DLG2: variants seen among roughly 807,000 people sequenced by gnomAD.
The protein encoded by DLG2 is disks large homolog 2.
DLG2 carries 45 observed loss-of-function variants against 132.5 expected under a neutral mutation model. That is an observed-to-expected ratio of 0.34 (90% CI 0.27 to 0.44). DLG2 has a LOEUF of 0.44. DLG2 is among the 20% of genes least tolerant of loss of function. The pLI is 1.00. For missense variants in DLG2, 1,045 were observed against 1,196.9 expected (o/e 0.87, Z 1.87); for synonymous variants, 424 against 419.6 (o/e 1.01, Z -0.13).
At chr11:83,953,406 C>T (rs1310992474) in intron 14 of DLG2, among the ~76,000 whole-genome samples, 2 of 152,150 alleles carry the variant, frequency 1.3e-5, no homozygotes, top group Non-Finnish European at 2.9e-5. Flanking sequence ...GTGAACTGCA[C>T]ATGCGAAGGA....
chr11:84,908,095 G>C (rs1303294271), intron 6 of DLG2, among the ~76,000 whole-genome samples: 1 of 151,872 alleles, frequency 6.6e-6, no homozygotes, highest in Non-Finnish European at 1.5e-5. Context: ...GAAAGAACGA[G>C]TTACCCTTTA....
At chr11:84,739,906 G>A (rs186534392) in intron 6 of DLG2, among the ~76,000 whole-genome samples, 1 of 151,846 alleles carries the variant, frequency 6.6e-6, no homozygotes, top group East Asian at 1.9e-4. Context: ...CAGTCTCCTG[G>A]GGTCATTTTA....
chr11:83,494,469 G>GAAAC (rs1223638049), intron 21 of DLG2, among the ~76,000 whole-genome samples: 1 of 151,302 alleles, frequency 6.6e-6, no homozygotes, highest in African/African-American at 2.4e-5. Flanking sequence ...GGCTATTTCA[G>GAAAC]AAACAGTGAC....
chr11:85,170,937 A>T (rs1275681036), intron 4 of DLG2, among the ~76,000 whole-genome samples: 1 of 118,322 alleles, frequency 8.5e-6, no homozygotes, highest in African/African-American at 3.8e-5. Context: ...CATAACAAAT[A>T]AAAAAAAAAA....
At chr11:85,626,026 T>C (rs1016332125) in intron 2 of DLG2, among the ~76,000 whole-genome samples, 2 of 152,272 alleles carry the variant, frequency 1.3e-5, no homozygotes, top group African/African-American at 4.8e-5. Flanking sequence ...AATCATGTTA[T>C]TGGATAATGC....
At chr11:85,455,141 CT>C (rs1430088030) in intron 3 of DLG2, among the ~76,000 whole-genome samples, 1 of 152,106 alleles carries the variant, frequency 6.6e-6, no homozygotes, top group East Asian at 1.9e-4. Flanking sequence ...AATATTGATT[CT>C]CCCTATCCAT....
rs181109412 is a variant in DLG2 at position 84,869,164 on chromosome 11, T to C, written c.357+242497A>G. ...TCTAATCTGTCCACAATGCACATCATACGGAATTGAACATACAAGTCACTG... is the reference window on the plus strand; with the variant it reads ...TCTAATCTGTCCACAATGCACATCACACGGAATTGAACATACAAGTCACTG... On this transcript the variant is annotated intron_variant, in intron 6 of 27. Coordinates refer to ENST00000376104, the MANE Select transcript of DLG2 (RefSeq NM_001142699.3). 2.0e-5 allele frequency among the ~76,000 whole-genome samples: 3 copies of C among 152,340 alleles called. No individual in the cohort carries two copies. In the East Asian group the frequency reaches 5.8e-4, roughly 29 times the overall value.
chr11:83,927,146 G>A (rs1375525401), intron 15 of DLG2, among the ~76,000 whole-genome samples: 1 of 152,118 alleles, frequency 6.6e-6, no homozygotes, highest in East Asian at 1.9e-4. Context: ...GTAACAGTTT[G>A]CTTGTTTGCA....
At chr11:85,021,545 A>G in intron 6 of DLG2, 1 of 1,588,804 alleles carries the variant, frequency 6.3e-7, no homozygotes, top group Non-Finnish European at 8.6e-7. Flanking sequence ...TACTTCGAAA[A>G]GATTGCCTCC....
In DLG2 at chr11:85,111,887, G is replaced by T. The variant is rs374472367; in HGVS notation, c.283-152C>A. Among the ~76,000 whole-genome samples, 3 of 151,940 alleles carry T rather than the reference G, an allele frequency of 2.0e-5. No individual in the cohort carries two copies. In the East Asian group the frequency reaches 5.8e-4, roughly 29 times the overall value. ...TTGGTGCAATGCTGCAGAAAACTAGGTACATAATTTCTACTCTTATCAAAG... is the reference window on the plus strand; with the variant it reads ...TTGGTGCAATGCTGCAGAAAACTAGTTACATAATTTCTACTCTTATCAAAG... On this transcript the variant is annotated intron_variant, in intron 5 of 27. Transcript: ENST00000376104.
chr11:84,123,393 A>C (rs2094015616), intron 9 of DLG2, among the ~76,000 whole-genome samples: 1 of 152,220 alleles, frequency 6.6e-6, no homozygotes, highest in Non-Finnish European at 1.5e-5. Context: ...GTCAAAGCCA[A>C]GTCTATGCTG....
intron 4 of DLG2, among the ~76,000 whole-genome samples, chr11:85,224,735 C>A (rs2074871486): frequency 6.6e-6 from 1 of 151,830 alleles, no homozygotes; most frequent in Admixed American, 6.6e-5. Flanking sequence ...GGAAAATAAA[C>A]AATTACAAAT....
intron 6 of DLG2, among the ~76,000 whole-genome samples, chr11:84,584,624 C>A (rs1389854756): frequency 6.6e-6 from 1 of 151,164 alleles, no homozygotes; most frequent in East Asian, 1.9e-4. Context: ...CCTCAGCCTC[C>A]CAAAGTGCTG....
At chr11:85,512,167 A>G (rs573743008) in intron 3 of DLG2, among the ~76,000 whole-genome samples, 1 of 152,190 alleles carries the variant, frequency 6.6e-6, no homozygotes, top group Non-Finnish European at 1.5e-5. Context: ...AGGGCATCAA[A>G]TGAAAGATTT....
chr11:84,212,534 G>T (rs374209301), intron 8 of DLG2, among the ~76,000 whole-genome samples: 3 of 152,190 alleles, frequency 2.0e-5, no homozygotes, highest in South Asian at 4.1e-4. Flanking sequence ...GTAGATCAAA[G>T]AATTTGTCCA....
chr11:85,170,406 G>C (rs149437319), intron 4 of DLG2, among the ~76,000 whole-genome samples: 1 of 152,170 alleles, frequency 6.6e-6, no homozygotes, highest in Non-Finnish European at 1.5e-5. Flanking sequence ...TTGCTTTGGG[G>C]AAGAGGAATT....
At chr11:83,897,548 C>T (rs1443699499) in intron 15 of DLG2, among the ~76,000 whole-genome samples, 4 of 152,138 alleles carry the variant, frequency 2.6e-5, no homozygotes, top group Non-Finnish European at 4.4e-5. Context: ...CTCTAAATAA[C>T]CCTCTAAAAT....
Position 84,165,801 on chromosome 11 carries a change from G to A in DLG2, c.574-2290C>T, listed in dbSNP as rs1793034. 9.9e-3 allele frequency among the ~76,000 whole-genome samples: 1,506 copies of A among 152,226 alleles called. 8 individuals carry two copies. The highest frequency in any genetic ancestry group is 0.015 in the Non-Finnish European group (1,025 of 68,024). ...TAGTCCCAGCTACTTCAGAGGCTGAGGCAGAAGAATTGCTTGAACAGGGGA... is the reference window on the plus strand; with the variant it reads ...TAGTCCCAGCTACTTCAGAGGCTGAAGCAGAAGAATTGCTTGAACAGGGGA... On this transcript the variant is annotated intron_variant, in intron 8 of 27. Transcript: ENST00000376104.
At chr11:84,436,111 A>T (rs1240445788) in intron 7 of DLG2, among the ~76,000 whole-genome samples, 1 of 152,192 alleles carries the variant, frequency 6.6e-6, no homozygotes, top group Non-Finnish European at 1.5e-5. Context: ...GACACATAAT[A>T]GTTAGGCTTG....
Sources: gnomAD v4.1 joint callset for allele counts (sites outside exome capture counted in the v4.1 genomes callset) on GRCh38, gnomAD v4.1.1 for gene constraint, MANE v1.5 for transcripts, NCBI Gene and HGNC (gene_info 2026-07-23, HGNC 2026-07-21) for gene names.